PLD5: variants seen among roughly 807,000 people sequenced by gnomAD.
PLD5 encodes the protein inactive phospholipase D5.
In PLD5, 36 loss-of-function variants were observed where a neutral mutation model predicts 61.1. That is an observed-to-expected ratio of 0.59 (90% CI 0.45 to 0.78). PLD5 has a LOEUF of 0.78. Among genes scored for constraint, PLD5 ranks in the 30% least tolerant of loss-of-function variants. PLD5 has a pLI of 0.00. For missense variants in PLD5, 515 were observed against 644.4 expected (o/e 0.80, Z 2.17); for synonymous variants, 243 against 242.8 (o/e 1.00, Z -0.01).
rs143391270 is a variant in PLD5 at position 242,476,733 on chromosome 1, T to C, written c.189+47355A>G. 2.0e-5 allele frequency among the ~76,000 whole-genome samples: 3 copies of C among 152,298 alleles called. No homozygotes were observed. In the East Asian group the frequency reaches 5.8e-4, roughly 29 times the overall value. On this transcript the variant is annotated intron_variant, in intron 1 of 9. Transcript: ENST00000536534. ...CAGACCAAAACTGGAATTCAGATAC[T>C]TCTGTTACCCTTTCTGTTCTTCTCC...
intron 1 of PLD5, among the ~76,000 whole-genome samples, chr1:242,511,705 C>A (rs543783525): frequency 6.6e-6 from 1 of 151,952 alleles, no homozygotes; most frequent in Non-Finnish European, 1.5e-5. Context: ...CTGTCATGGA[C>A]AAGAGGTGAC....
intron 4 of PLD5, among the ~76,000 whole-genome samples, chr1:242,233,572 C>G (rs1671447208): frequency 6.7e-6 from 1 of 149,756 alleles, no homozygotes; most frequent in Admixed American, 6.7e-5. Context: ...GTGAGGGCGG[C>G]AGGGAGGGAG....
At chr1:242,124,253 T>A (rs979248235) in intron 6 of PLD5, among the ~76,000 whole-genome samples, 1 of 152,162 alleles carries the variant, frequency 6.6e-6, no homozygotes, top group South Asian at 2.1e-4. Flanking sequence ...ATCAGATAAC[T>A]CAAGGTATCT....
chr1:242,218,778 A>C (rs1300750861), intron 5 of PLD5, among the ~76,000 whole-genome samples: 2 of 152,226 alleles, frequency 1.3e-5, no homozygotes, highest in Non-Finnish European at 2.9e-5. Flanking sequence ...CAGCTTTGCC[A>C]CTTCCTGAAA....
chr1:242,137,573 T>C (rs140426281), intron 5 of PLD5, among the ~76,000 whole-genome samples: 1 of 152,196 alleles, frequency 6.6e-6, no homozygotes, highest in Non-Finnish European at 1.5e-5. Flanking sequence ...CCAGCAATCT[T>C]GTAGGGGGAA....
At chr1:242,210,524 G>C (rs997787667) in intron 5 of PLD5, 3 of 153,510 alleles carry the variant, frequency 2.0e-5, no homozygotes, top group African/African-American at 7.2e-5. Flanking sequence ...AGTGAAAATG[G>C]CCGGTCCTTG....
At chr1:242,275,699 A>G (rs1019394398) in intron 3 of PLD5, among the ~76,000 whole-genome samples, 1 of 152,228 alleles carries the variant, frequency 6.6e-6, no homozygotes, top group Non-Finnish European at 1.5e-5. Flanking sequence ...CATGGCATCA[A>G]TAATCCAGCA....
At position 242,375,333 on chromosome 1, in the gene PLD5, G is replaced by A. The variant is rs572711903; in HGVS notation, c.190-27091C>T. 6.6e-5 allele frequency among the ~76,000 whole-genome samples: 10 copies of A among 152,306 alleles called. No homozygotes were observed. In the South Asian group the frequency reaches 2.1e-3, roughly 32 times the overall value. Reference sequence around the variant, plus strand: ...TCTTCTCAGGCAAACCCAAAGAGCTGTGCTATCCAGTTTTCTTTAGAAAGG... The same window carrying A: ...TCTTCTCAGGCAAACCCAAAGAGCTATGCTATCCAGTTTTCTTTAGAAAGG... On this transcript the variant is annotated intron_variant, in intron 1 of 9. Coordinates refer to ENST00000536534, the MANE Select transcript of PLD5 (RefSeq NM_001372062.1).
intron 6 of PLD5, among the ~76,000 whole-genome samples, chr1:242,117,390 T>C (rs1180475092): frequency 3.3e-5 from 5 of 151,836 alleles, no homozygotes; most frequent in Non-Finnish European, 2.9e-5. Context: ...CCATGAATTT[T>C]TTTTTTTTTT....
chr1:242,421,877 C>T (rs12138214), intron 1 of PLD5, among the ~76,000 whole-genome samples: 67,773 of 152,090 alleles, frequency 0.45, 16,770 homozygotes, highest in African/African-American at 0.67. Context: ...TGCAAATATC[C>T]TTCTCTGAAA....
chr1:242,384,213 G>T (rs1662465799), intron 1 of PLD5, among the ~76,000 whole-genome samples: 1 of 152,168 alleles, frequency 6.6e-6, no homozygotes, highest in South Asian at 2.1e-4. Flanking sequence ...CTGGCTCTGA[G>T]TTAGAAGAAA....
intron 5 of PLD5, among the ~76,000 whole-genome samples, chr1:242,133,345 T>C (rs1472040020): frequency 6.6e-6 from 1 of 152,194 alleles, no homozygotes; most frequent in Non-Finnish European, 1.5e-5. Context: ...ATGGGAAACC[T>C]CTAGAGGGTA....
upstream of PLD5, among the ~76,000 whole-genome samples, chr1:242,529,692 G>A (rs1366806082): frequency 4.6e-5 from 7 of 152,110 alleles, no homozygotes; most frequent in Non-Finnish European, 7.4e-5. Flanking sequence ...CCCCCAGAGC[G>A]AGATCCTGGT....
intron 1 of PLD5, among the ~76,000 whole-genome samples, chr1:242,460,177 GA>G: frequency 6.6e-6 from 1 of 152,106 alleles, no homozygotes; most frequent in Non-Finnish European, 1.5e-5. Flanking sequence ...TTATGTTAAA[GA>G]ATTACTTCAT....
chr1:242,493,702 C>T (rs1370100278), intron 1 of PLD5, among the ~76,000 whole-genome samples: 1 of 152,080 alleles, frequency 6.6e-6, no homozygotes, highest in Non-Finnish European at 1.5e-5. Context: ...TACTCTCACC[C>T]ACACACATGC....
At position 242,089,724 on chromosome 1, in the gene PLD5, T is replaced by C. The variant is rs1366278633; in HGVS notation, c.*130A>G. The C allele has an allele frequency of 4.1e-6, 5 of 1,232,606 alleles. 1 individual carries two copies. In the South Asian group the frequency reaches 7.2e-5, roughly 18 times the overall value. The allele number at this position is 1,232,606 out of a possible 1,614,324, so 76.4% of individuals were successfully genotyped here. A position where few individuals can be genotyped will look rare whatever the true frequency, so the allele number is the denominator to read the frequency against. ...ATTGTTAGATAGGTATTATGTGTTGTTCAGAGAATATTTTTTATAAGTGTG... is the reference window on the plus strand; with the variant it reads ...ATTGTTAGATAGGTATTATGTGTTGCTCAGAGAATATTTTTTATAAGTGTG... On this transcript the variant is annotated 3_prime_UTR_variant, in exon 10 of 10. Transcript: ENST00000536534.
intron 1 of PLD5, among the ~76,000 whole-genome samples, chr1:242,443,886 A>C (rs1191914046): frequency 6.6e-6 from 1 of 152,062 alleles, no homozygotes; most frequent in Non-Finnish European, 1.5e-5. Context: ...TATTGCATTG[A>C]TTTTACCATC....
intron 1 of PLD5, among the ~76,000 whole-genome samples, chr1:242,517,377 AGAATGTTGTCATG>A (rs1195033841): frequency 2.0e-5 from 3 of 152,184 alleles, no homozygotes; most frequent in Non-Finnish European, 4.4e-5. Context: ...TTGTCAGTTG[AGAATGTTGTCATG>A]CATGGGTACA....
chr1:242,124,750 G>T (rs371090789), intron 5 of PLD5, 85 bp from the exon 6 acceptor site: 17 of 1,117,268 alleles, frequency 1.5e-5, no homozygotes, highest in African/African-American at 4.7e-5. Flanking sequence ...TAAGAATGAG[G>T]TAGTTGTGAC....
Sources: gnomAD v4.1 joint callset for allele counts (sites outside exome capture counted in the v4.1 genomes callset) on GRCh38, gnomAD v4.1.1 for gene constraint, MANE v1.5 for transcripts, NCBI Gene and HGNC (gene_info 2026-07-23, HGNC 2026-07-21) for gene names.